CFTR: variants seen among roughly 807,000 people sequenced by gnomAD.
The protein encoded by CFTR is CF transmembrane conductance regulator, also known as cystic fibrosis transmembrane conductance regulator.
Under a neutral mutation model 171.6 loss-of-function variants are expected in CFTR, and 181 were observed. The observed-to-expected ratio is 1.05, with a 90% CI of 0.93 to 1.19. The LOEUF is 1.19. CFTR is among the 50% of genes most tolerant of loss of function. The pLI, the probability that CFTR is intolerant of heterozygous loss-of-function variation, is 0.00. For synonymous variants in CFTR, 583 were observed against 608.0 expected, an observed-to-expected ratio of 0.96 and a Z score of 0.60; for missense variants, 1,968 against 1,734.7, an observed-to-expected ratio of 1.13 and a Z score of -2.39.
intron 11 of CFTR, among the ~76,000 whole-genome samples, chr7:117,582,184 A>G (rs6466614): frequency 0.11 from 16,523 of 152,208 alleles, 1,417 homozygotes; most frequent in East Asian, 0.41. Flanking sequence ...TTTATGAAAC[A>G]TAAACTATTA....
intron 11 of CFTR, among the ~76,000 whole-genome samples, chr7:117,565,543 G>GT (rs1439736000): frequency 1.3e-5 from 2 of 151,998 alleles, no homozygotes; most frequent in African/African-American, 4.8e-5. Context: ...GGGGTGGAGG[G>GT]TTGGGGTGGG....
At chr7:117,494,317 A>C (rs2116622588) in intron 1 of CFTR, among the ~76,000 whole-genome samples, 1 of 152,174 alleles carries the variant, frequency 6.6e-6, no homozygotes, top group South Asian at 2.1e-4. Flanking sequence ...AAAGGATTTA[A>C]TAAATAGTGG....
intron 9 of CFTR, among the ~76,000 whole-genome samples, chr7:117,547,363 G>A (rs1264710615): frequency 6.6e-6 from 1 of 152,064 alleles, no homozygotes; most frequent in African/African-American, 2.4e-5. Context: ...TGAAGCTGCA[G>A]TTTCAGTGCA....
chr7:117,626,180 T>A (rs1792646609), intron 21 of CFTR, among the ~76,000 whole-genome samples: 1 of 152,048 alleles, frequency 6.6e-6, no homozygotes, highest in Non-Finnish European at 1.5e-5. Flanking sequence ...GCAGGCTTGA[T>A]CAATGGCATG....
At chr7:117,652,604 G>T (rs1793104422) in intron 23 of CFTR, among the ~76,000 whole-genome samples, 1 of 151,882 alleles carries the variant, frequency 6.6e-6, no homozygotes, top group Non-Finnish European at 1.5e-5. Context: ...AAGACATTGG[G>T]ATTAGAAAAA....
chr7:117,507,074 A>G (rs1798430822), intron 2 of CFTR, among the ~76,000 whole-genome samples: 1 of 152,170 alleles, frequency 6.6e-6, no homozygotes. Flanking sequence ...TGTGCAAACC[A>G]CACATCCGTT....
At chr7:117,644,191 A>T (rs1014681549) in intron 23 of CFTR, among the ~76,000 whole-genome samples, 3 of 152,068 alleles carry the variant, frequency 2.0e-5, no homozygotes, top group African/African-American at 7.2e-5. Flanking sequence ...TGTGTTTATG[A>T]TGCTGGTTTC....
At chr7:117,612,727 T>C (rs1009639493) in intron 20 of CFTR, among the ~76,000 whole-genome samples, 5 of 152,098 alleles carry the variant, frequency 3.3e-5, no homozygotes, top group Non-Finnish European at 5.9e-5. Context: ...GGTGGTGCCA[T>C]TCGACTCTTA....
At chr7:117,601,944 A>G (rs1387452382) in intron 15 of CFTR, among the ~76,000 whole-genome samples, 1 of 151,446 alleles carries the variant, frequency 6.6e-6, no homozygotes. Context: ...TGAGAAAGCT[A>G]TAGAGATTCT....
At chr7:117,598,077 C>A (rs780242280) in intron 15 of CFTR, among the ~76,000 whole-genome samples, 1 of 152,200 alleles carries the variant, frequency 6.6e-6, no homozygotes, top group Admixed American at 6.5e-5. Flanking sequence ...CATGAGGGAA[C>A]TGGGGATCAG....
chr7:117,575,589 T>C (rs912160245), intron 11 of CFTR, among the ~76,000 whole-genome samples: 1 of 152,076 alleles, frequency 6.6e-6, no homozygotes, highest in Non-Finnish European at 1.5e-5. Flanking sequence ...AGCAGATGTG[T>C]ATTTGGGAGA....
chr7:117,496,981 G>T (rs576734738), intron 1 of CFTR, among the ~76,000 whole-genome samples: 4 of 151,692 alleles, frequency 2.6e-5, no homozygotes, highest in African/African-American at 9.7e-5. Context: ...GTCCTTTGAA[G>T]CACAAAAGTA....
intron 24 of CFTR, among the ~76,000 whole-genome samples, chr7:117,656,733 G>A (rs924504672): frequency 2.0e-5 from 3 of 152,178 alleles, no homozygotes; most frequent in Non-Finnish European, 4.4e-5. Flanking sequence ...TGGCAGAATA[G>A]GATCAGGGGA....
intron 21 of CFTR, among the ~76,000 whole-genome samples, chr7:117,626,789 A>T (rs1030137524): frequency 1.3e-5 from 2 of 151,912 alleles, no homozygotes; most frequent in Admixed American, 6.6e-5. Flanking sequence ...GTTTTTTTTA[A>T]AAAAAATTGA....
rs546073812 is a variant in CFTR, at chr7:117,613,640, G to T, written c.3368-973G>T. On this transcript the variant is annotated intron_variant, in intron 20 of 26. Transcript: ENST00000003084. ...TTAACCTTCAGAACAGTAATATATT[G>T]GGGTCTAGATAAATCTTGCCTATAT... 1.6e-3 allele frequency among the ~76,000 whole-genome samples: 249 copies of T among 152,020 alleles called. 1 individual carries two copies. The highest frequency in any genetic ancestry group is 4.4e-3 in the Admixed American group (67 of 15,246).
Position 117,588,270 on chromosome 7 carries a change from G to A in CFTR, c.1679+437G>A, listed in dbSNP as rs183114294. ...ATAATTTTCATAACAAAATAGGAAG[G>A]CAAATGATGTCACTTGGCTTAAAAT... On this transcript the variant is annotated intron_variant, in intron 12 of 26. Coordinates refer to ENST00000003084, the MANE Select transcript of CFTR (RefSeq NM_000492.4). 7.2e-5 allele frequency among the ~76,000 whole-genome samples: 11 copies of A among 152,058 alleles called. No homozygotes were observed. The East Asian group carries it at 1.2e-3, about 16-fold the overall frequency.
At chr7:117,604,702 A>T (rs549949005) in intron 17 of CFTR, 2 of 152,334 alleles carry the variant, frequency 1.3e-5, no homozygotes, top group South Asian at 4.1e-4. Context: ...TCTGAAGCCC[A>T]TGTGTGTTGC....
At chr7:117,502,293 T>G (rs2116632697) in intron 1 of CFTR, among the ~76,000 whole-genome samples, 1 of 152,336 alleles carries the variant, frequency 6.6e-6, no homozygotes, top group Non-Finnish European at 1.5e-5. Context: ...TTTAGTAAAG[T>G]TTAGCATCTC....
intron 2 of CFTR, 134 bp from the exon 3 acceptor site, chr7:117,508,900 G>T: frequency 1.4e-6 from 1 of 698,542 alleles, no homozygotes; most frequent in Non-Finnish European, 2.6e-6. Context: ...TGGTCTCCAT[G>T]AGATTTTGTC....
Sources: allele counts gnomAD v4.1 joint callset (sites outside exome capture counted in the v4.1 genomes callset), GRCh38; gene constraint gnomAD v4.1.1; transcripts MANE v1.5; gene names NCBI Gene and HGNC (gene_info 2026-07-23, HGNC 2026-07-21).